Variants in CD247 observed in about 807,000 individuals in gnomAD.
The protein encoded by CD247 is CD247 molecule.
A neutral mutation model predicts 30.0 loss-of-function variants in CD247; 13 were observed. The ratio of observed to expected loss-of-function variants is 0.43; its 90% CI spans 0.28 to 0.69. The LOEUF is 0.69. Ranked by LOEUF, CD247 falls within the 30% of genes least tolerant of loss-of-function variation. The probability of loss-of-function intolerance (pLI) is 0.16; values close to 1 mark genes in which losing one functional copy is unlikely to be tolerated. For missense variants in CD247, 193 were observed against 212.6 expected (o/e 0.91, Z 0.57); for synonymous variants, 72 against 80.0 (o/e 0.90, Z 0.53).
chr1:167,485,324 C>T (rs1274074650), intron 1 of CD247, among the ~76,000 whole-genome samples: 3 of 152,178 alleles, frequency 2.0e-5, no homozygotes, highest in African/African-American at 4.8e-5. Flanking sequence ...TGTGGCCTGG[C>T]GCTGCGTCTG....
chr1:167,466,977 C>T (rs1033748479), intron 1 of CD247, among the ~76,000 whole-genome samples: 24 of 152,274 alleles, frequency 1.6e-4, no homozygotes, highest in African/African-American at 5.8e-4. Context: ...GTAGCTGGGA[C>T]TACAGGCGCC....
At chr1:167,486,465 A>C (rs1191299944) in intron 1 of CD247, among the ~76,000 whole-genome samples, 1 of 152,216 alleles carries the variant, frequency 6.6e-6, no homozygotes, top group Non-Finnish European at 1.5e-5. Context: ...TGTAAACTGA[A>C]AAAAATAAAA....
At chr1:167,486,411 T>A (rs1356651333) in intron 1 of CD247, among the ~76,000 whole-genome samples, 1 of 151,880 alleles carries the variant, frequency 6.6e-6, no homozygotes, top group African/African-American at 2.4e-5. Flanking sequence ...AATTTCGGAG[T>A]GTTGTTGTGA....
intron 1 of CD247, among the ~76,000 whole-genome samples, chr1:167,501,084 TG>T: frequency 6.6e-6 from 1 of 151,328 alleles, no homozygotes; most frequent in East Asian, 1.9e-4. Flanking sequence ...GACCGAGTTT[TG>T]CACTTGTTGC....
chr1:167,486,984 G>A (rs928410994), intron 1 of CD247, among the ~76,000 whole-genome samples: 3 of 146,238 alleles, frequency 2.1e-5, no homozygotes, highest in African/African-American at 7.6e-5. Context: ...TGAGGCAGGA[G>A]AATCACTTGA....
chr1:167,463,007 G>C (rs1004469827), intron 1 of CD247, among the ~76,000 whole-genome samples: 3 of 152,148 alleles, frequency 2.0e-5, no homozygotes, highest in African/African-American at 7.2e-5. Context: ...AGGTTACCTG[G>C]CATCCCTGGC....
At chr1:167,517,122 C>A (rs947326476) in intron 1 of CD247, among the ~76,000 whole-genome samples, 1 of 152,198 alleles carries the variant, frequency 6.6e-6, no homozygotes, top group Non-Finnish European at 1.5e-5. Context: ...AGCTCAGGCA[C>A]CCTCACTCTG....
In CD247 at chr1:167,439,327, C is replaced by A. The variant is rs375337627; in HGVS notation, c.219+17G>T. Reference sequence around the variant, plus strand: ...CTGCCCTTCCTTTCCGGAGGGTCTACGGCGAGGCTGACTTACGTTATAGAG... The same window carrying A: ...CTGCCCTTCCTTTCCGGAGGGTCTAAGGCGAGGCTGACTTACGTTATAGAG... On this transcript the variant is annotated intron_variant, in intron 3 of 7. Transcript: ENST00000362089. 1 of 1,612,878 alleles carries A rather than the reference C, an allele frequency of 6.2e-7. No individual in the cohort carries two copies. The highest frequency in any genetic ancestry group is 8.5e-7 in the Non-Finnish European group (1 of 1,178,860).
chr1:167,490,095 C>T (rs1269259110), intron 1 of CD247, among the ~76,000 whole-genome samples: 2 of 151,874 alleles, frequency 1.3e-5, no homozygotes, highest in East Asian at 1.9e-4. Flanking sequence ...TAGTACACAG[C>T]CTCCCTGTGA....
intron 1 of CD247, among the ~76,000 whole-genome samples, chr1:167,498,263 C>A (rs1654775951): frequency 2.6e-5 from 4 of 152,202 alleles, no homozygotes; most frequent in Admixed American, 2.6e-4. Flanking sequence ...CTGCTAAAAC[C>A]AACAATGCCT....
chr1:167,518,421 C>T lies in CD247; in HGVS notation c.45G>A (p.Gln15=), dbSNP rs1655711076. The T allele has an allele frequency of 6.2e-7, 1 of 1,614,218 alleles. No individual in the cohort carries two copies. Among genetic ancestry groups the T allele is most frequent in the Non-Finnish European group, 8.5e-7 (1 of 1,180,032 alleles). ...ALFTAAILQA[Q]LPITEAQSFG... ...CGTCGGCCCTACCTGTAATCGGCAA[C>T]TGTGCCTGCAGGATGGCCGCGGTGA... Residue 15 remains glutamine (Q), a synonymous_variant, in exon 1 of 8, where the codon CAG becomes CAA. Coordinates refer to ENST00000362089, the MANE Select transcript of CD247 (RefSeq NM_198053.3).
intron 1 of CD247, among the ~76,000 whole-genome samples, chr1:167,487,663 C>A (rs559256963): frequency 6.6e-6 from 1 of 152,354 alleles, no homozygotes; most frequent in South Asian, 2.1e-4. Context: ...TTTCATGACA[C>A]AACAGCATTA....
chr1:167,485,923 G>C (rs1236934877), intron 1 of CD247, among the ~76,000 whole-genome samples: 1 of 152,124 alleles, frequency 6.6e-6, no homozygotes, highest in Admixed American at 6.5e-5. Flanking sequence ...TGAACAACCA[G>C]GTAATTAACT....
At position 167,431,226 on chromosome 1, in the gene CD247, C is replaced by T. The variant is rs1361340275; in HGVS notation, c.*455G>A. 2.6e-5 allele frequency: 13 copies of T among 501,930 alleles called. No individual in the cohort carries two copies. Among genetic ancestry groups the T allele is most frequent in the Non-Finnish European group, 3.8e-5 (11 of 287,250 alleles). The allele number at this position is 501,930 out of a possible 1,614,324, so 31.1% of individuals were successfully genotyped here. A position where few individuals can be genotyped will look rare whatever the true frequency, so the allele number is the denominator to read the frequency against. ...GCACAACATGGCCCAGTACAGTTAC[C>T]TTGAAAGGAGGTGAAGGTGACAACA... On this transcript the variant is annotated 3_prime_UTR_variant, in exon 8 of 8. Coordinates refer to ENST00000362089, the MANE Select transcript of CD247 (RefSeq NM_198053.3).
At chr1:167,432,455 G>A (rs1304170427) in intron 7 of CD247, among the ~76,000 whole-genome samples, 1 of 152,224 alleles carries the variant, frequency 6.6e-6, no homozygotes, top group Non-Finnish European at 1.5e-5. Context: ...AACAGCCCAT[G>A]GGAGCCAGAA....
At chr1:167,512,353 G>A (rs916690897) in intron 1 of CD247, among the ~76,000 whole-genome samples, 2 of 152,190 alleles carry the variant, frequency 1.3e-5, no homozygotes, top group Non-Finnish European at 2.9e-5. Flanking sequence ...GAGAGGCAAG[G>A]AAGAAGGAAG....
Position 167,430,784 on chromosome 1 carries a change from A to C in CD247, c.*897T>G. On this transcript the variant is annotated 3_prime_UTR_variant, in exon 8 of 8. Coordinates refer to ENST00000362089, the MANE Select transcript of CD247 (RefSeq NM_198053.3). ...TAATGACGCAGCAGTATCCTAGTAC[A>C]TTGACGGGTTTTTCCTGTCCTGCCA... 1 of 398,694 alleles carries C rather than the reference A, an allele frequency of 2.5e-6. No individual in the cohort carries two copies. Among genetic ancestry groups the C allele is most frequent in the East Asian group, 3.6e-5 (1 of 28,080 alleles). The allele number at this position is 398,694 out of a possible 1,614,324, so 24.7% of individuals were successfully genotyped here. A position where few individuals can be genotyped will look rare whatever the true frequency, so the allele number is the denominator to read the frequency against.
chr1:167,497,366 T>G (rs1378331820), intron 1 of CD247, among the ~76,000 whole-genome samples: 1 of 152,254 alleles, frequency 6.6e-6, no homozygotes, highest in Non-Finnish European at 1.5e-5. Flanking sequence ...TTGTAAGATA[T>G]GATAAATATC....
chr1:167,431,604 T>C lies in CD247; in HGVS notation c.*77A>G, dbSNP rs2101983346. ...CAGTGGCTGAGAAGAGTGAACCGGG[T>C]TGTAAATGCTTCATCCTGTGTCTCA... On this transcript the variant is annotated 3_prime_UTR_variant, in exon 8 of 8. Coordinates refer to ENST00000362089, the MANE Select transcript of CD247 (RefSeq NM_198053.3). 8.5e-7 allele frequency: 1 copy of C among 1,178,128 alleles called. No individual in the cohort carries two copies. The highest frequency in any genetic ancestry group is 2.3e-5 in the East Asian group (1 of 42,968). 73.0% of individuals were successfully genotyped at this position (1,178,128 alleles called of 1,614,324 possible). A position where few individuals can be genotyped will look rare whatever the true frequency, so the allele number is the denominator to read the frequency against.
Sources: gnomAD v4.1 joint callset for allele counts (sites outside exome capture counted in the v4.1 genomes callset) on GRCh38, gnomAD v4.1.1 for gene constraint, MANE v1.5 for transcripts, NCBI Gene and HGNC (gene_info 2026-07-23, HGNC 2026-07-21) for gene names.